Variants in EPC2 observed in about 807,000 individuals in gnomAD.
The protein encoded by EPC2 is enhancer of polycomb homolog 2.
Under a neutral mutation model 92.1 loss-of-function variants are expected in EPC2, and 14 were observed. The observed-to-expected ratio is 0.15, with a 90% CI of 0.10 to 0.24. EPC2 has a LOEUF of 0.24. Ranked by LOEUF, EPC2 falls within the 10% of genes least tolerant of loss-of-function variation. The probability of loss-of-function intolerance (pLI) is 1.00; values close to 1 mark genes in which losing one functional copy is unlikely to be tolerated. For synonymous variants in EPC2, 340 were observed against 334.7 expected (o/e 1.02, Z -0.17); for missense variants, 755 against 971.5 (o/e 0.78, Z 2.96).
At chr2:148,691,564 G>C in intron 2 of EPC2, 1 of 1,550,542 alleles carries the variant, frequency 6.4e-7, no homozygotes, top group Non-Finnish European at 8.7e-7. Flanking sequence ...TTAAATTGCT[G>C]TTGTTCAGGA....
At chr2:148,762,080 T>A in intron 5 of EPC2, 150 bp downstream of exon 5, 1 of 638,888 alleles carries the variant, frequency 1.6e-6, no homozygotes. Flanking sequence ...GATTTGTGGT[T>A]ACTAGTTTTT....
At chr2:148,712,961 G>C (rs917184667) in intron 2 of EPC2, among the ~76,000 whole-genome samples, 1 of 152,088 alleles carries the variant, frequency 6.6e-6, no homozygotes, top group Admixed American at 6.6e-5. Flanking sequence ...GGAGGCGTGA[G>C]GCAGGAAGGT....
At chr2:148,747,637 C>T (rs575716347) in intron 3 of EPC2, among the ~76,000 whole-genome samples, 1 of 152,162 alleles carries the variant, frequency 6.6e-6, no homozygotes, top group African/African-American at 2.4e-5. Context: ...TTAAGGTTAC[C>T]AGTGGTCTCC....
intron 1 of EPC2, among the ~76,000 whole-genome samples, chr2:148,659,741 A>T (rs913550785): frequency 2.0e-5 from 3 of 152,094 alleles, no homozygotes; most frequent in African/African-American, 7.2e-5. Context: ...AAAAATCTAG[A>T]TACCATTTGC....
chr2:148,781,496 A>G (rs1450552886), intron 10 of EPC2, 148 bp from the exon 11 acceptor site: 7 of 779,408 alleles, frequency 9.0e-6, no homozygotes, highest in South Asian at 4.2e-5. Context: ...AAGATTTGCC[A>G]TTTTCATTAG....
chr2:148,775,697 T>TAAATTTAATTTAATTAAATA (rs1683623647), intron 10 of EPC2, among the ~76,000 whole-genome samples: 1 of 147,556 alleles, frequency 6.8e-6, no homozygotes, highest in Non-Finnish European at 1.5e-5. Flanking sequence ...TAAATAAAAT[T>TAAATTTAATTTAATTAAATA]AAATATCTTT....
intron 1 of EPC2, among the ~76,000 whole-genome samples, chr2:148,686,065 A>G (rs1181990633): frequency 6.6e-6 from 1 of 152,226 alleles, no homozygotes; most frequent in Non-Finnish European, 1.5e-5. Context: ...TTGACTCATG[A>G]AAGAATTTGT....
At chr2:148,693,225 T>C (rs1043975754) in intron 2 of EPC2, among the ~76,000 whole-genome samples, 48 of 152,354 alleles carry the variant, frequency 3.2e-4, no homozygotes, top group African/African-American at 1.1e-3. Flanking sequence ...TTTTCTTCTT[T>C]TAATGATAGA....
chr2:148,785,899 G>T (rs1192388790), intron 13 of EPC2, among the ~76,000 whole-genome samples: 2 of 151,948 alleles, frequency 1.3e-5, no homozygotes, highest in Non-Finnish European at 2.9e-5. Context: ...TAAGCCTATA[G>T]AATTAAACTC....
intron 1 of EPC2, among the ~76,000 whole-genome samples, chr2:148,654,731 C>A (rs960910): frequency 0.15 from 22,846 of 152,162 alleles, 2,526 homozygotes; most frequent in East Asian, 0.46. Context: ...TGTTTTCCTC[C>A]TTCCTTCTGT....
At chr2:148,665,716 C>T (rs566553126) in intron 1 of EPC2, among the ~76,000 whole-genome samples, 99 of 152,184 alleles carry the variant, frequency 6.5e-4, no homozygotes, top group African/African-American at 2.1e-3. Context: ...TTACTCAGTC[C>T]GTTAAAGCCA....
chr2:148,645,185 G>A lies in EPC2; in HGVS notation c.153+15G>A. 1 of 1,593,462 alleles carries A rather than the reference G, an allele frequency of 6.3e-7. No individual in the cohort carries two copies. On this transcript the variant is annotated intron_variant, in intron 1 of 13. Transcript: ENST00000258484. ...AGGAGGAATCGGTAGGGACTCGAGT[G>A]TTTATTACCCCCCCTTCCCTCCTCC...
chr2:148,677,522 A>T (rs1346626366), intron 1 of EPC2, among the ~76,000 whole-genome samples: 1 of 152,228 alleles, frequency 6.6e-6, no homozygotes, highest in Non-Finnish European at 1.5e-5. Flanking sequence ...AAAAAATTTT[A>T]AAAATTATCT....
At chr2:148,702,827 T>C (rs1681916590) in intron 2 of EPC2, among the ~76,000 whole-genome samples, 1 of 152,000 alleles carries the variant, frequency 6.6e-6, no homozygotes, top group East Asian at 1.9e-4. Flanking sequence ...TATGAGATTT[T>C]TTTTTTTTGC....
chr2:148,720,626 G>A (rs984507806), intron 2 of EPC2, among the ~76,000 whole-genome samples: 5 of 152,208 alleles, frequency 3.3e-5, no homozygotes, highest in African/African-American at 7.2e-5. Context: ...CCCTGGTGGC[G>A]TGGACTCATA....
At chr2:148,755,886 C>G (rs1683179924) in intron 4 of EPC2, among the ~76,000 whole-genome samples, 1 of 152,202 alleles carries the variant, frequency 6.6e-6, no homozygotes, top group Non-Finnish European at 1.5e-5. Flanking sequence ...GCCACCACAT[C>G]CAACCTCTCA....
At chr2:148,752,928 T>G (rs1355820808) in intron 3 of EPC2, among the ~76,000 whole-genome samples, 1 of 152,186 alleles carries the variant, frequency 6.6e-6, no homozygotes, top group Non-Finnish European at 1.5e-5. Context: ...AGGGAAACAT[T>G]TCTTGGGAAA....
At chr2:148,662,880 A>G (rs963805146) in intron 1 of EPC2, among the ~76,000 whole-genome samples, 1 of 152,070 alleles carries the variant, frequency 6.6e-6, no homozygotes, top group Non-Finnish European at 1.5e-5. Context: ...AAAGGACTTC[A>G]CAGAGCTTTC....
chr2:148,698,313 T>C (rs866929649), intron 2 of EPC2, among the ~76,000 whole-genome samples: 1 of 152,250 alleles, frequency 6.6e-6, no homozygotes, highest in South Asian at 2.1e-4. Flanking sequence ...TGGACCTTGT[T>C]TGAAAAAGTT....
Sources: allele counts gnomAD v4.1 joint callset (sites outside exome capture counted in the v4.1 genomes callset), GRCh38; gene constraint gnomAD v4.1.1; transcripts MANE v1.5; gene names NCBI Gene and HGNC (gene_info 2026-07-23, HGNC 2026-07-21).